MESD: variants seen among roughly 807,000 people sequenced by gnomAD.
MESD encodes LRP chaperone MESD.
MESD carries 7 observed loss-of-function variants against 12.9 expected under a neutral mutation model. That is an observed-to-expected ratio of 0.54 (90% CI 0.31 to 1.02). MESD has a LOEUF of 1.02. Ranked by LOEUF, MESD falls within the 50% of genes least tolerant of loss-of-function variation. The probability of loss-of-function intolerance (pLI) is 0.05; values close to 1 mark genes in which losing one functional copy is unlikely to be tolerated. For synonymous variants in MESD, 126 were observed against 115.6 expected, an observed-to-expected ratio of 1.09 and a Z score of -0.58; for missense variants, 342 against 296.7, an observed-to-expected ratio of 1.15 and a Z score of -1.12.
downstream of MESD, chr15:80,946,946 T>A (rs374099639): frequency 2.6e-6 from 4 of 1,561,628 alleles, no homozygotes; most frequent in Non-Finnish European, 3.5e-6. Flanking sequence ...TCTGGTCTAA[T>A]TGGTTTCTTC....
Position 80,982,002 on chromosome 15 carries a change from T to A in MESD, c.394A>T (p.Ile132Phe). ...GSPTEKETEE[I>F]TSLWQGSLFN... ...AGGCTGCCCTGCCAGAGGCTCGTAA[T>A]TTCCTCTGTCTCCTTCTCAGTAGGG... The change falls in exon 2 of 3, where the codon ATT becomes TTT. Residue 132 changes from isoleucine (I) to phenylalanine (F), a missense_variant. By Grantham distance (21) the Ile-to-Phe change is conservative. Transcript: ENST00000261758. The A allele has an allele frequency of 6.2e-7, 1 of 1,614,196 alleles. No homozygotes were observed. Among genetic ancestry groups the A allele is most frequent in the Non-Finnish European group, 8.5e-7 (1 of 1,180,028 alleles).
downstream of MESD, chr15:80,975,738 T>C (rs1024280873): frequency 2.0e-5 from 3 of 152,182 alleles, no homozygotes; most frequent in African/African-American, 7.2e-5. Context: ...GTATATCTGA[T>C]ACAGGTTTCA....
At chr15:80,955,487 C>CAAAAAAAAAAAA (rs1169755665) in intron 3 of MESD, among the ~76,000 whole-genome samples, 2 of 45,612 alleles carry the variant, frequency 4.4e-5, no homozygotes, top group Non-Finnish European at 4.3e-5. Flanking sequence ...GACTCCGTCT[C>CAAAAAAAAAAAA]AAAAAAAAAA....
intron 1 of MESD, among the ~76,000 whole-genome samples, chr15:80,988,312 T>G (rs184625210): frequency 2.0e-5 from 3 of 152,216 alleles, no homozygotes; most frequent in Non-Finnish European, 2.9e-5. Flanking sequence ...TTTCTTGGCC[T>G]TCAAAGTCTC....
chr15:80,954,084 C>T (rs138064236), intron 3 of MESD, among the ~76,000 whole-genome samples: 7 of 152,336 alleles, frequency 4.6e-5, no homozygotes, highest in African/African-American at 1.7e-4. Context: ...CTGACCCACC[C>T]TGCCCTCTCT....
At chr15:80,987,313 T>C (rs914328419) in intron 1 of MESD, among the ~76,000 whole-genome samples, 1 of 152,066 alleles carries the variant, frequency 6.6e-6, no homozygotes, top group African/African-American at 2.4e-5. Context: ...ATGGATACGC[T>C]CTCCCACATA....
intron 1 of MESD, among the ~76,000 whole-genome samples, chr15:80,987,524 T>C (rs1415671790): frequency 1.3e-5 from 2 of 151,428 alleles, no homozygotes; most frequent in Non-Finnish European, 2.9e-5. Context: ...AGTCTCACCC[T>C]GTCGCCCAGG....
Position 80,976,987 on chromosome 15 carries a change from G to A in MESD, c.*2232C>T, listed in dbSNP as rs1902433677. On this transcript the variant is annotated 3_prime_UTR_variant, in exon 3 of 3. Coordinates refer to ENST00000261758, the MANE Select transcript of MESD (RefSeq NM_015154.3). ...TCTCCTGTGCAACCAGTGCAACCTG[G>A]ACTGCCTTTCACACCCACCCCATCA... 1 of 152,724 alleles carries A rather than the reference G, an allele frequency of 6.5e-6. No homozygotes were observed. The highest frequency in any genetic ancestry group is 2.4e-5 in the African/African-American group (1 of 41,436). The allele number at this position is 152,724 out of a possible 1,614,324, so 9.5% of individuals were successfully genotyped here.
intron 3 of MESD, among the ~76,000 whole-genome samples, chr15:80,952,781 TAG>T (rs1901874572): frequency 6.6e-6 from 1 of 152,156 alleles, no homozygotes; most frequent in Admixed American, 6.5e-5. Context: ...AGCTGTGCAG[TAG>T]AGAGTACACG....
At chr15:80,984,581 C>T (rs936841030) in intron 1 of MESD, among the ~76,000 whole-genome samples, 1 of 152,042 alleles carries the variant, frequency 6.6e-6, no homozygotes, top group Non-Finnish European at 1.5e-5. Flanking sequence ...AGCGATTGCC[C>T]GGGGCTGGCT....
chr15:80,949,098 C>T (rs1455826432), intron 4 of MESD: 6 of 821,744 alleles, frequency 7.3e-6, no homozygotes, highest in Non-Finnish European at 8.1e-6. Flanking sequence ...CTGCCACCTG[C>T]CCCTACTCAA....
In MESD at chr15:80,949,007, CCCAGCCCCTG is replaced by C. The variant is rs982139339; in HGVS notation, c.*627-119_*627-110del. On this transcript the variant is annotated intron_variant, in intron 4 of 4. Transcript: ENST00000561312. Reference sequence around the variant, plus strand: ...AGACCAGTGGGGGATGGCTGGGTCCCCCAGCCCCTGCCAGCAGCTGCCTGGGAAGGCCGTG... The same window carrying C: ...AGACCAGTGGGGGATGGCTGGGTCCCCCAGCAGCTGCCTGGGAAGGCCGTG... 51 of 1,578,466 alleles carry C rather than the reference CCCAGCCCCTG, an allele frequency of 3.2e-5. 2 individuals are homozygous for C. The highest frequency in any genetic ancestry group is 3.1e-4 in the African/African-American group (23 of 74,322).
At chr15:80,947,132 G>A (rs191099093), downstream of MESD, 91 of 1,021,552 alleles carry the variant, frequency 8.9e-5, no homozygotes, top group Non-Finnish European at 9.4e-5. Context: ...GGCATGGAGG[G>A]TGCTGTCATC....
chr15:80,962,173 A>T (rs1057347086), intron 3 of MESD, among the ~76,000 whole-genome samples: 8 of 152,224 alleles, frequency 5.3e-5, no homozygotes, highest in Non-Finnish European at 1.0e-4. Flanking sequence ...AAAGCGAAAA[A>T]CAGCAGGGGT....
chr15:80,956,521 T>C (rs561868874), intron 3 of MESD, among the ~76,000 whole-genome samples: 4 of 152,264 alleles, frequency 2.6e-5, no homozygotes, highest in African/African-American at 9.6e-5. Flanking sequence ...CCAGAAAACA[T>C]TGAGGTGTTC....
chr15:80,963,842 C>A (rs923585989), intron 3 of MESD, among the ~76,000 whole-genome samples: 23 of 152,140 alleles, frequency 1.5e-4, no homozygotes, highest in African/African-American at 5.6e-4. Flanking sequence ...ATTATAAGAG[C>A]TATTTATGAC....
chr15:80,980,820 C>CT (rs67729328), intron 2 of MESD, among the ~76,000 whole-genome samples: 216 of 142,506 alleles, frequency 1.5e-3, no homozygotes, highest in Admixed American at 1.8e-3. Context: ...AATAAATGCC[C>CT]TTTTTTTTTT....
At chr15:80,954,600 T>C (rs570776525) in intron 3 of MESD, among the ~76,000 whole-genome samples, 44 of 151,734 alleles carry the variant, frequency 2.9e-4, no homozygotes, top group African/African-American at 1.0e-3. Context: ...CAGACAGAGG[T>C]AATGGTGAGG....
At chr15:80,989,445 G>A in intron 1 of MESD, 134 bp downstream of exon 1, 1 of 1,078,054 alleles carries the variant, frequency 9.3e-7, no homozygotes, top group South Asian at 1.5e-5. Context: ...GGCTTCAGTG[G>A]GTCAGTAAGG....
Sources: allele counts gnomAD v4.1 joint callset (sites outside exome capture counted in the v4.1 genomes callset), GRCh38; gene constraint gnomAD v4.1.1; transcripts MANE v1.5; gene names NCBI Gene and HGNC (gene_info 2026-07-23, HGNC 2026-07-21).